STEAP1B: variants seen among roughly 807,000 people sequenced by gnomAD.
STEAP1B encodes STEAP family protein MGC87042.
STEAP1B carries 13 observed loss-of-function variants against 27.9 expected under a neutral mutation model. The ratio of observed to expected loss-of-function variants is 0.47; its 90% CI spans 0.30 to 0.74. The LOEUF (loss-of-function observed/expected upper bound fraction) is 0.74, where lower values mean the gene tolerates loss of function less well. Ranked by LOEUF, STEAP1B falls within the 30% of genes least tolerant of loss-of-function variation. STEAP1B has a pLI of 0.06. For synonymous variants in STEAP1B, 86 were observed against 107.1 expected, an observed-to-expected ratio of 0.80 and a Z score of 1.22; for missense variants, 250 against 298.7, an observed-to-expected ratio of 0.84 and a Z score of 1.20.
intron 2 of STEAP1B, 72 bp downstream of exon 2, chr7:22,494,700 G>A (rs1786406935): frequency 1.8e-6 from 2 of 1,103,816 alleles, no homozygotes; most frequent in Admixed American, 2.7e-5. Context: ...AACACTAGGA[G>A]ATACAGAATG....
chr7:22,484,879 T>C (rs1366190275), intron 4 of STEAP1B, among the ~76,000 whole-genome samples: 4 of 152,202 alleles, frequency 2.6e-5, no homozygotes, highest in Non-Finnish European at 5.9e-5. Flanking sequence ...AAGACTTCAG[T>C]GGAAAAAGTC....
At chr7:22,438,823 A>T in intron 4 of STEAP1B, 9 of 1,470,802 alleles carry the variant, frequency 6.1e-6, no homozygotes, top group South Asian at 4.2e-5. Context: ...AAGCCCTGTG[A>T]TAAGTGTATA....
At chr7:22,429,366 T>TA (rs1785149660) in intron 4 of STEAP1B, among the ~76,000 whole-genome samples, 1 of 152,240 alleles carries the variant, frequency 6.6e-6, no homozygotes, top group African/African-American at 2.4e-5. Context: ...GAGCTACTTG[T>TA]ATCAACATGA....
intron 4 of STEAP1B, among the ~76,000 whole-genome samples, chr7:22,460,553 G>C (rs1238301710): frequency 6.6e-6 from 1 of 152,164 alleles, no homozygotes; most frequent in Non-Finnish European, 1.5e-5. Context: ...ATCAGGCCTG[G>C]TGGCCTGGAC....
chr7:22,431,357 C>G (rs1253283693), intron 4 of STEAP1B, among the ~76,000 whole-genome samples: 4 of 152,234 alleles, frequency 2.6e-5, no homozygotes, highest in Admixed American at 2.6e-4. Context: ...AAAAAAATCT[C>G]TCTCCCAATA....
rs866481615 is a variant in STEAP1B, at chr7:22,428,504, G to C, written c.763-8668C>G. Among the ~76,000 whole-genome samples, 68 of 108,606 alleles carry C rather than the reference G, an allele frequency of 6.3e-4. 1 individual carries two copies. The highest frequency in any genetic ancestry group is 2.4e-3 in the African/African-American group (67 of 27,792). 71.2% of individuals were successfully genotyped at this position (108,606 alleles called of 152,430 possible). A position where few individuals can be genotyped will look rare whatever the true frequency, so the allele number is the denominator to read the frequency against. ...CAAGAAGAGGGAGAGGAAGATGAGG[G>C]AGAGAAAGAGAAAGGAGGAAAGATG... On this transcript the variant is annotated intron_variant, in intron 4 of 4. Coordinates refer to ENST00000678116, the MANE Select transcript of STEAP1B (RefSeq NM_001382447.1).
chr7:22,469,448 A>G (rs1204195780), intron 4 of STEAP1B, among the ~76,000 whole-genome samples: 1 of 152,208 alleles, frequency 6.6e-6, no homozygotes, highest in Non-Finnish European at 1.5e-5. Context: ...ATATTAGTGT[A>G]CAGAATGTCC....
chr7:22,473,147 C>G (rs1785913912), intron 4 of STEAP1B, among the ~76,000 whole-genome samples: 1 of 152,080 alleles, frequency 6.6e-6, no homozygotes, highest in African/African-American at 2.4e-5. Context: ...CAGGACACCG[C>G]AAGTCATTAA....
intron 4 of STEAP1B, chr7:22,438,379 G>A: frequency 8.2e-7 from 1 of 1,225,874 alleles, no homozygotes; most frequent in Non-Finnish European, 1.1e-6. Flanking sequence ...TAAAATAATT[G>A]GAGTAAGTTT....
intron 4 of STEAP1B, among the ~76,000 whole-genome samples, chr7:22,423,329 T>C (rs1417648991): frequency 1.3e-5 from 2 of 152,180 alleles, no homozygotes; most frequent in African/African-American, 4.8e-5. Context: ...ATGTTCACAG[T>C]AGTCTTATTC....
intron 4 of STEAP1B, among the ~76,000 whole-genome samples, chr7:22,428,810 TAAATA>T (rs979096763): frequency 2.0e-5 from 3 of 151,696 alleles, no homozygotes; most frequent in Non-Finnish European, 4.4e-5. Context: ...ATATGAAAAA[TAAATA>T]AAATAAAATA....
intron 4 of STEAP1B, among the ~76,000 whole-genome samples, chr7:22,477,115 C>T (rs1048036353): frequency 3.3e-5 from 5 of 152,186 alleles, no homozygotes; most frequent in East Asian, 1.9e-4. Flanking sequence ...AATGAGGGCA[C>T]GCATAGCCTT....
At chr7:22,453,749 T>C (rs1429530551) in intron 4 of STEAP1B, among the ~76,000 whole-genome samples, 1 of 152,238 alleles carries the variant, frequency 6.6e-6, no homozygotes, top group Non-Finnish European at 1.5e-5. Flanking sequence ...CTGACGTCCA[T>C]TGACATAGAG....
chr7:22,478,926 G>T (rs939256554), intron 4 of STEAP1B, among the ~76,000 whole-genome samples: 4 of 152,230 alleles, frequency 2.6e-5, no homozygotes, highest in African/African-American at 9.6e-5. Context: ...GGAAGGAAGA[G>T]GTGCACGGTG....
At chr7:22,478,512 A>G (rs955014151) in intron 4 of STEAP1B, among the ~76,000 whole-genome samples, 1 of 152,204 alleles carries the variant, frequency 6.6e-6, no homozygotes, top group African/African-American at 2.4e-5. Flanking sequence ...AGTTCTCTCA[A>G]GATCTGAGGT....
At chr7:22,426,036 T>C (rs1452079536) in intron 4 of STEAP1B, among the ~76,000 whole-genome samples, 3 of 152,308 alleles carry the variant, frequency 2.0e-5, no homozygotes, top group African/African-American at 7.2e-5. Context: ...GGAACATCTG[T>C]ACCATTAGAC....
intron 4 of STEAP1B, among the ~76,000 whole-genome samples, chr7:22,474,314 G>A (rs1351092527): frequency 4.6e-5 from 7 of 152,146 alleles, no homozygotes; most frequent in Admixed American, 3.9e-4. Flanking sequence ...CATCTGAGGA[G>A]TTTGCTAAAA....
intron 4 of STEAP1B, among the ~76,000 whole-genome samples, chr7:22,485,010 A>G (rs1786176975): frequency 6.6e-6 from 1 of 152,238 alleles, no homozygotes; most frequent in African/African-American, 2.4e-5. Context: ...CTTTTCATAG[A>G]TGATCAAAGA....
intron 4 of STEAP1B, among the ~76,000 whole-genome samples, chr7:22,452,536 T>C (rs1200230824): frequency 6.6e-6 from 1 of 152,078 alleles, no homozygotes; most frequent in Admixed American, 6.6e-5. Flanking sequence ...AAAGGACGGT[T>C]TGGAGCTGCA....
Sources: allele counts gnomAD v4.1 joint callset (sites outside exome capture counted in the v4.1 genomes callset), GRCh38; gene constraint gnomAD v4.1.1; transcripts MANE v1.5; gene names NCBI Gene and HGNC (gene_info 2026-07-23, HGNC 2026-07-21).